The following COL25A1 variants were observed in gnomAD, a reference collection of about 807,000 sequenced individuals.
COL25A1 encodes collagen alpha-1(XXV) chain.
In COL25A1, 103 loss-of-function variants were observed where a neutral mutation model predicts 128.4. That is an observed-to-expected ratio of 0.80 (90% CI 0.68 to 0.94). COL25A1 has a LOEUF of 0.94. COL25A1 is among the 40% of genes least tolerant of loss of function. The pLI, the probability that COL25A1 is intolerant of heterozygous loss-of-function variation, is 0.00. For missense variants in COL25A1, 745 were observed against 840.0 expected (o/e 0.89, Z 1.40); for synonymous variants, 279 against 277.2 (o/e 1.01, Z -0.06).
At chr4:109,006,232 G>A (rs1755959013) in intron 6 of COL25A1, among the ~76,000 whole-genome samples, 1 of 151,166 alleles carries the variant, frequency 6.6e-6, no homozygotes, top group African/African-American at 2.4e-5. Context: ...TGGGGGGGTG[G>A]CGGGTGGGTC....
intron 3 of COL25A1, among the ~76,000 whole-genome samples, chr4:109,294,475 C>T (rs1407804266): frequency 6.6e-6 from 1 of 151,986 alleles, no homozygotes; most frequent in Non-Finnish European, 1.5e-5. Context: ...AGTAACTATC[C>T]ATGTCTAAGA....
At chr4:109,269,925 C>T (rs1388851168) in intron 3 of COL25A1, among the ~76,000 whole-genome samples, 1 of 152,102 alleles carries the variant, frequency 6.6e-6, no homozygotes, top group Non-Finnish European at 1.5e-5. Context: ...ACACACAAAT[C>T]AATAAATGTA....
chr4:108,839,229 C>T (rs910054339), intron 31 of COL25A1, among the ~76,000 whole-genome samples: 4 of 152,166 alleles, frequency 2.6e-5, no homozygotes, highest in African/African-American at 9.7e-5. Context: ...AAATGGGTAT[C>T]TTTAATAAGT....
intron 3 of COL25A1, among the ~76,000 whole-genome samples, chr4:109,186,804 T>A (rs1775176727): frequency 1.3e-5 from 2 of 151,820 alleles, no homozygotes; most frequent in Admixed American, 1.3e-4. Flanking sequence ...CTCCCAGGAG[T>A]TCATTTGATT....
chr4:108,920,731 A>T, intron 11 of COL25A1, 127 bp from the exon 12 acceptor site: 1 of 463,006 alleles, frequency 2.2e-6, no homozygotes, highest in Non-Finnish European at 3.3e-6. Flanking sequence ...TTCATATATC[A>T]GGAAAAAAAA....
At chr4:109,044,641 T>C (rs1015405710) in intron 5 of COL25A1, among the ~76,000 whole-genome samples, 13 of 152,092 alleles carry the variant, frequency 8.5e-5, no homozygotes, top group African/African-American at 3.1e-4. Context: ...AGAAGGAAGT[T>C]TGAGAAATTT....
intron 13 of COL25A1, among the ~76,000 whole-genome samples, chr4:108,907,524 ACAT>A (rs1743679004): frequency 6.6e-6 from 1 of 152,230 alleles, no homozygotes; most frequent in Non-Finnish European, 1.5e-5. Flanking sequence ...GAACTCACTA[ACAT>A]CTGCTTTTCC....
chr4:109,155,429 G>A (rs1771936511), intron 3 of COL25A1, among the ~76,000 whole-genome samples: 1 of 152,160 alleles, frequency 6.6e-6, no homozygotes, highest in Non-Finnish European at 1.5e-5. Flanking sequence ...TTAAATTCCA[G>A]TAACTAAACT....
intron 8 of COL25A1, chr4:108,942,360 A>C: frequency 8.8e-7 from 1 of 1,142,698 alleles, no homozygotes; most frequent in African/African-American, 1.5e-5. Context: ...CATACCTAGC[A>C]CCTCCCTTTC....
chr4:109,004,483 G>C (rs1242010683), intron 6 of COL25A1, among the ~76,000 whole-genome samples: 1 of 152,000 alleles, frequency 6.6e-6, no homozygotes, highest in Admixed American at 6.6e-5. Flanking sequence ...GGGAACGACA[G>C]AGTTTGGATA....
chr4:109,010,397 A>T, intron 5 of COL25A1, 22 bp from the exon 6 acceptor site: 1 of 1,547,506 alleles, frequency 6.5e-7, no homozygotes, highest in Non-Finnish European at 8.7e-7. Context: ...AAGAAAAAGA[A>T]AAACAATTAC....
chr4:108,916,938 CA>C (rs2125893788), intron 13 of COL25A1, among the ~76,000 whole-genome samples: 1 of 152,276 alleles, frequency 6.6e-6, no homozygotes, highest in Non-Finnish European at 1.5e-5. Flanking sequence ...TCTGGGAACA[CA>C]GAGCCTCTTA....
rs184203231 is a variant in COL25A1 at position 109,248,596 on chromosome 4, A to G, written c.367+51987T>C. Reference sequence around the variant, plus strand: ...ATAAATGGCATGAAAATAAGCATCCATCTATCTCCACCCATGCCATGCAGT... The same window carrying G: ...ATAAATGGCATGAAAATAAGCATCCGTCTATCTCCACCCATGCCATGCAGT... On this transcript the variant is annotated intron_variant, in intron 3 of 37. Coordinates refer to ENST00000399132, the MANE Select transcript of COL25A1 (RefSeq NM_198721.4). Among the ~76,000 whole-genome samples, 7 of 152,306 alleles carry G rather than the reference A, an allele frequency of 4.6e-5. No individual in the cohort carries two copies. The East Asian group carries it at 1.4e-3, about 29-fold the overall frequency.
intron 3 of COL25A1, among the ~76,000 whole-genome samples, chr4:109,178,119 C>T (rs1476362263): frequency 6.6e-6 from 1 of 152,152 alleles, no homozygotes; most frequent in Non-Finnish European, 1.5e-5. Flanking sequence ...AAATAAGTTT[C>T]TTTTTCCTTT....
rs752817009 is a variant in COL25A1, at chr4:108,937,826, T to C, written c.690A>G (p.Pro230=). ...MPGVPGEPGK[P]GEQGLMGPLG... is the part of the protein sequence containing the mutation. ...TACTTGCCATCAAGCCTTGTTCTCC[T>C]GGCTTTCCTGGTTCACCCTTAAAAA... Residue 230 remains proline, a synonymous_variant, in exon 11 of 38, where the codon CCA becomes CCG. Coordinates refer to ENST00000399132, the MANE Select transcript of COL25A1 (RefSeq NM_198721.4). 11 of 1,608,376 alleles carry C rather than the reference T, an allele frequency of 6.8e-6. No individual in the cohort carries two copies. Among genetic ancestry groups the C allele is most frequent in the Non-Finnish European group, 6.8e-6 (8 of 1,177,632 alleles).
At chr4:109,251,004 TTA>T (rs1189195764) in intron 3 of COL25A1, among the ~76,000 whole-genome samples, 9 of 152,190 alleles carry the variant, frequency 5.9e-5, no homozygotes, top group Admixed American at 1.3e-4. Context: ...AGTCCTTGAG[TTA>T]TGTTTATATC....
At chr4:109,141,516 C>T (rs1393079753) in intron 3 of COL25A1, among the ~76,000 whole-genome samples, 4 of 152,162 alleles carry the variant, frequency 2.6e-5, no homozygotes, top group Non-Finnish European at 5.9e-5. Flanking sequence ...ATGGTACCAG[C>T]TCCTCTTTGT....
At chr4:109,143,592 T>G (rs1770645104) in intron 3 of COL25A1, among the ~76,000 whole-genome samples, 1 of 152,214 alleles carries the variant, frequency 6.6e-6, no homozygotes, top group Middle Eastern at 3.2e-3. Flanking sequence ...TTTTGGAGGC[T>G]TTCTTCGTTC....
rs186059266 is a variant in COL25A1, at chr4:108,969,796, T to A, written c.492+4571A>T. Among the ~76,000 whole-genome samples, 163 of 152,342 alleles carry A rather than the reference T, an allele frequency of 1.1e-3. 1 individual carries two copies. The highest frequency in any genetic ancestry group is 3.9e-3 in the African/African-American group (161 of 41,572). ...ATTGTCTGTACAGCCTAGATTCTTA[T>A]GACTTTGTCCTAAATGAGTGACATA... On this transcript the variant is annotated intron_variant, in intron 8 of 37. Transcript: ENST00000399132.
Sources: allele counts gnomAD v4.1 joint callset (sites outside exome capture counted in the v4.1 genomes callset), GRCh38; gene constraint gnomAD v4.1.1; transcripts MANE v1.5; gene names NCBI Gene and HGNC (gene_info 2026-07-23, HGNC 2026-07-21).